Variants in TMEM108 observed in about 807,000 individuals in gnomAD.
TMEM108 encodes the protein cancer/testis antigen 124.
TMEM108 carries 12 observed loss-of-function variants against 35.1 expected under a neutral mutation model. The observed-to-expected ratio is 0.34, with a 90% CI of 0.22 to 0.55. The LOEUF (loss-of-function observed/expected upper bound fraction) is 0.55. TMEM108 is among the 20% of genes least tolerant of loss of function. The pLI, the probability that TMEM108 is intolerant of heterozygous loss-of-function variation, is 0.89. For synonymous variants in TMEM108, 287 were observed against 308.6 expected (o/e 0.93, Z 0.73); for missense variants, 680 against 753.3 (o/e 0.90, Z 1.14).
chr3:133,043,536 A>G lies in TMEM108; in HGVS notation c.-165-2366A>G, dbSNP rs573170975. On this transcript the variant is annotated intron_variant, in intron 1 of 5. Coordinates refer to ENST00000321871, the MANE Select transcript of TMEM108 (RefSeq NM_023943.4). Reference sequence around the variant, plus strand: ...TCCATTTATCATTCCTTCCTCAATAAGTACTCTTTCCTAATTTTACCAAAA... The same window carrying G: ...TCCATTTATCATTCCTTCCTCAATAGGTACTCTTTCCTAATTTTACCAAAA... Among the ~76,000 whole-genome samples the G allele has an allele frequency of 2.6e-5, 4 of 152,282 alleles. No individual in the cohort carries two copies. The East Asian group carries it at 7.7e-4, about 29-fold the overall frequency.
intron 3 of TMEM108, among the ~76,000 whole-genome samples, chr3:133,348,944 A>C (rs1401956959): frequency 6.6e-6 from 1 of 152,204 alleles, no homozygotes; most frequent in Non-Finnish European, 1.5e-5. Flanking sequence ...ACAAAACAAA[A>C]TCAAAGGCAG....
intron 5 of TMEM108, among the ~76,000 whole-genome samples, chr3:133,391,242 T>C (rs1358753668): frequency 6.6e-6 from 1 of 152,104 alleles, no homozygotes; most frequent in Non-Finnish European, 1.5e-5. Context: ...AATGGCTTGA[T>C]GGATGAGTAA....
At chr3:133,344,799 T>A (rs959042804) in intron 3 of TMEM108, among the ~76,000 whole-genome samples, 1 of 151,840 alleles carries the variant, frequency 6.6e-6, no homozygotes. Flanking sequence ...TGCTACACTT[T>A]GTACTATACT....
chr3:133,150,132 A>G (rs1425133024), intron 2 of TMEM108, among the ~76,000 whole-genome samples: 1 of 152,070 alleles, frequency 6.6e-6, no homozygotes, highest in African/African-American at 2.4e-5. Context: ...CCTTTTCTCT[A>G]CACCTTCACC....
chr3:133,199,649 C>A (rs1945630864), intron 2 of TMEM108, among the ~76,000 whole-genome samples: 1 of 152,182 alleles, frequency 6.6e-6, no homozygotes, highest in Admixed American at 6.5e-5. Context: ...CCTCTGGAAG[C>A]TTCGTCTCAG....
intron 3 of TMEM108, among the ~76,000 whole-genome samples, chr3:133,363,769 A>G (rs6773740): frequency 0.013 from 1,907 of 152,310 alleles, 43 homozygotes; most frequent in African/African-American, 0.042. Flanking sequence ...CAAGCCACAT[A>G]TATAATTTTA....
At chr3:133,039,204 A>G (rs956136777) in intron 1 of TMEM108, among the ~76,000 whole-genome samples, 5 of 152,236 alleles carry the variant, frequency 3.3e-5, no homozygotes, top group African/African-American at 1.2e-4. Context: ...GAGGAGGGAA[A>G]TGCCTGCAGT....
chr3:133,038,843 G>A (rs909482262), intron 1 of TMEM108, among the ~76,000 whole-genome samples: 1 of 152,208 alleles, frequency 6.6e-6, no homozygotes, highest in African/African-American at 2.4e-5. Flanking sequence ...CGAAGAAGAA[G>A]AAATGTAGTG....
chr3:133,395,219 G>T (rs2073287994), intron 5 of TMEM108, among the ~76,000 whole-genome samples: 1 of 152,180 alleles, frequency 6.6e-6, no homozygotes, highest in Non-Finnish European at 1.5e-5. Flanking sequence ...TTATTATGCA[G>T]TCACACAGAG....
intron 3 of TMEM108, among the ~76,000 whole-genome samples, chr3:133,278,213 T>A (rs1946864458): frequency 1.3e-5 from 2 of 152,106 alleles, no homozygotes; most frequent in Non-Finnish European, 2.9e-5. Flanking sequence ...GAGAAAAAAA[T>A]GTCTGGAGCT....
chr3:133,224,436 T>G (rs1946037884), intron 2 of TMEM108, among the ~76,000 whole-genome samples: 1 of 152,140 alleles, frequency 6.6e-6, no homozygotes, highest in Non-Finnish European at 1.5e-5. Context: ...ATTGATACAG[T>G]TTGGCTGTGT....
intron 2 of TMEM108, among the ~76,000 whole-genome samples, chr3:133,214,462 C>T (rs1264704760): frequency 6.6e-6 from 1 of 151,980 alleles, no homozygotes. Context: ...TTTTATTTTC[C>T]CTGAGGGTTC....
intron 2 of TMEM108, among the ~76,000 whole-genome samples, chr3:133,155,610 T>TA (rs1944869215): frequency 6.6e-6 from 1 of 152,194 alleles, no homozygotes; most frequent in South Asian, 2.1e-4. Flanking sequence ...TGATCAGTGA[T>TA]ATTGAGCATT....
At chr3:133,342,359 A>T (rs547757463) in intron 3 of TMEM108, among the ~76,000 whole-genome samples, 26 of 150,950 alleles carry the variant, frequency 1.7e-4, no homozygotes, top group African/African-American at 6.3e-4. Context: ...TAACTAAAAG[A>T]GTATAACTGG....
chr3:133,094,451 C>G (rs1943987857), intron 2 of TMEM108, among the ~76,000 whole-genome samples: 1 of 152,142 alleles, frequency 6.6e-6, no homozygotes, highest in South Asian at 2.1e-4. Context: ...CAAAATTATA[C>G]TTTCAGAAGA....
chr3:133,391,501 G>A (rs1413120150), intron 5 of TMEM108, among the ~76,000 whole-genome samples: 1 of 152,186 alleles, frequency 6.6e-6, no homozygotes, highest in Admixed American at 6.5e-5. Flanking sequence ...TTTCTCTCCA[G>A]TTAAAGTTCA....
At chr3:133,328,555 C>T (rs189371956) in intron 3 of TMEM108, among the ~76,000 whole-genome samples, 85 of 152,310 alleles carry the variant, frequency 5.6e-4, no homozygotes, top group Admixed American at 1.6e-3. Context: ...TCTTCCCTCT[C>T]TATCACTCTG....
chr3:133,190,375 T>A (rs916970619), intron 2 of TMEM108, among the ~76,000 whole-genome samples: 1 of 152,204 alleles, frequency 6.6e-6, no homozygotes, highest in Non-Finnish European at 1.5e-5. Context: ...AATGACCTCA[T>A]TTTTATGCCA....
At chr3:133,312,378 T>C (rs1362791949) in intron 3 of TMEM108, among the ~76,000 whole-genome samples, 2 of 152,212 alleles carry the variant, frequency 1.3e-5, no homozygotes, top group Non-Finnish European at 2.9e-5. Flanking sequence ...TGAGCTGTGG[T>C]GGGCTCCACC....
Sources: gnomAD v4.1 joint callset for allele counts (sites outside exome capture counted in the v4.1 genomes callset) on GRCh38, gnomAD v4.1.1 for gene constraint, MANE v1.5 for transcripts, NCBI Gene and HGNC (gene_info 2026-07-23, HGNC 2026-07-21) for gene names.